Variants in ZSCAN31 observed in about 807,000 individuals in gnomAD.
The protein encoded by ZSCAN31 is zinc finger and SCAN domain containing 31, also known as zinc finger and SCAN domain-containing protein 31.
Under a neutral mutation model 22.5 loss-of-function variants are expected in ZSCAN31, and 14 were observed. That is an observed-to-expected ratio of 0.62 (90% CI 0.41 to 0.97). The LOEUF (loss-of-function observed/expected upper bound fraction) is 0.97. ZSCAN31 is among the 50% of genes least tolerant of loss of function. The pLI is 0.00. For synonymous variants in ZSCAN31, 168 were observed against 169.8 expected (o/e 0.99, Z 0.08); for missense variants, 424 against 483.4 (o/e 0.88, Z 1.15).
intron 3 of ZSCAN31, among the ~76,000 whole-genome samples, chr6:28,341,298 C>T (rs558233491): frequency 3.9e-5 from 6 of 152,264 alleles, no homozygotes; most frequent in East Asian, 3.9e-4. Context: ...AATAGAAATT[C>T]GTTGCTCACA....
chr6:28,336,327 G>A (rs545829689), upstream of ZSCAN31: 1 of 152,242 alleles, frequency 6.6e-6, no homozygotes, highest in Non-Finnish European at 1.5e-5. Flanking sequence ...ATTTCTATGG[G>A]GAGCGGCCCC....
intron 2 of ZSCAN31, among the ~76,000 whole-genome samples, chr6:28,344,196 A>G (rs76429896): frequency 0.025 from 3,733 of 152,320 alleles, 87 homozygotes; most frequent in East Asian, 0.11. Context: ...GTGGAAAGGT[A>G]GGGCTGTCAC....
chr6:28,328,586 C>T (rs371803746), intron 2 of ZSCAN31, among the ~76,000 whole-genome samples: 3 of 152,100 alleles, frequency 2.0e-5, no homozygotes, highest in East Asian at 1.9e-4. Flanking sequence ...TCAAGGTGCC[C>T]ACATTTCATA....
rs1266301948 is a variant in ZSCAN31, at chr6:28,351,596, T to C, written c.-371+2266A>G. ...TTGGTCATTTTCTTTCATTCTTCTT[T>C]TCCCTCCTTTCCACTCTCTTTCCTT... On this transcript the variant is annotated intron_variant, in intron 2 of 7. Coordinates refer to the ZSCAN31 transcript ENST00000396838. This position sits in a 1 kb window ranked among gnomAD's most constrained non-coding sequence, Gnocchi z 4.6. 6.6e-6 allele frequency among the ~76,000 whole-genome samples: 1 copy of C among 152,034 alleles called. No homozygotes were observed. Among genetic ancestry groups the C allele is most frequent in the Non-Finnish European group, 1.5e-5 (1 of 67,996 alleles).
rs984173315 is a variant in ZSCAN31 at position 28,351,005 on chromosome 6, G to A, written c.-371+2857C>T. ...TAGTGCTGGAGATCCACCAGTTTTCGAGCTTCCAGGAACGCCCTAGCCTGA... is the reference window on the plus strand; with the variant it reads ...TAGTGCTGGAGATCCACCAGTTTTCAAGCTTCCAGGAACGCCCTAGCCTGA... On this transcript the variant is annotated intron_variant, in intron 2 of 7. Coordinates refer to the ZSCAN31 transcript ENST00000396838. The surrounding 1 kb of genome is among the most constrained non-coding windows in gnomAD (Gnocchi z 4.6). Among the ~76,000 whole-genome samples the A allele has an allele frequency of 2.0e-5, 3 of 152,230 alleles. No homozygotes were observed. Among genetic ancestry groups the A allele is most frequent in the South Asian group, 2.1e-4 (1 of 4,822 alleles).
At chr6:28,344,116 T>G (rs1764540700) in intron 2 of ZSCAN31, among the ~76,000 whole-genome samples, 1 of 152,158 alleles carries the variant, frequency 6.6e-6, no homozygotes, top group South Asian at 2.1e-4. Context: ...GAGCAAAATG[T>G]GATATGTTGG....
chr6:28,326,550 C>A lies in ZSCAN31; in HGVS notation c.837G>T (p.Arg279Ser). The A allele has an allele frequency of 1.9e-6, 3 of 1,614,156 alleles. No homozygotes were observed. The highest frequency in any genetic ancestry group is 2.5e-6 in the Non-Finnish European group (3 of 1,180,018). Residue 279 changes from arginine to serine, a missense_variant, in exon 4 of 4, where the codon AGG becomes AGT. Arg to Ser is a moderately radical substitution (Grantham distance 110). Transcript: ENST00000344279. Reference protein sequence around the residue: ...CEECGKAFSRRSSLNEHRRSH... With the variant: ...CEECGKAFSRSSSLNEHRRSH... ...TCCGCCGATGTTCATTCAGGCTTGACCTCCGGCTGAAGGCCTTCCCACATT... is the reference window on the plus strand; with the variant it reads ...TCCGCCGATGTTCATTCAGGCTTGAACTCCGGCTGAAGGCCTTCCCACATT...
chr6:28,348,161 C>T (rs749638571), intron 2 of ZSCAN31, among the ~76,000 whole-genome samples: 4 of 152,050 alleles, frequency 2.6e-5, no homozygotes. Context: ...TTCTCCCAAC[C>T]TTTTAATTTA....
chr6:28,327,585 G>T, intron 2 of ZSCAN31, 52 bp from the exon 3 acceptor site: 1 of 1,556,518 alleles, frequency 6.4e-7, no homozygotes, highest in Non-Finnish European at 8.7e-7. Flanking sequence ...AGGAGTACAA[G>T]CTAATACTAA....
At chr6:28,346,694 A>G (rs1561924508) in intron 2 of ZSCAN31, among the ~76,000 whole-genome samples, 1 of 152,132 alleles carries the variant, frequency 6.6e-6, no homozygotes, top group Non-Finnish European at 1.5e-5. Flanking sequence ...GGACAAGTGC[A>G]GCAGCCACAA....
At chr6:28,354,056 A>G (rs897609713) in intron 1 of ZSCAN31, 1 of 421,316 alleles carries the variant, frequency 2.4e-6, no homozygotes, top group Admixed American at 2.5e-5. Context: ...CCTTCTCAGC[A>G]AACGGCTCTG....
At chr6:28,329,088 C>T (rs369661076) in intron 2 of ZSCAN31, among the ~76,000 whole-genome samples, 3 of 152,160 alleles carry the variant, frequency 2.0e-5, no homozygotes, top group East Asian at 1.9e-4. Flanking sequence ...GCTGAGGCCC[C>T]CTACCAACAA....
intron 2 of ZSCAN31, among the ~76,000 whole-genome samples, chr6:28,352,255 T>C (rs956702911): frequency 6.6e-6 from 1 of 152,226 alleles, no homozygotes; most frequent in Non-Finnish European, 1.5e-5. Context: ...CAGAATGACC[T>C]AGAAAGTTTT....
In ZSCAN31 at chr6:28,333,243, A is replaced by G. The variant is rs138482832; in HGVS notation, c.-96+2839T>C. Among the ~76,000 whole-genome samples, 1 of 152,328 alleles carries G rather than the reference A, an allele frequency of 6.6e-6. No individual in the cohort carries two copies. Among genetic ancestry groups the G allele is most frequent in the Non-Finnish European group, 1.5e-5 (1 of 68,024 alleles). ...GACTCAGCTTATGACTTTATCAGCAACTAAGGCCCAGGAGGCAAGGGACAA... is the reference window on the plus strand; with the variant it reads ...GACTCAGCTTATGACTTTATCAGCAGCTAAGGCCCAGGAGGCAAGGGACAA... On this transcript the variant is annotated intron_variant, in intron 1 of 3. Coordinates refer to ENST00000344279, the MANE Select transcript of ZSCAN31 (RefSeq NM_030899.5). The surrounding 1 kb of genome is among the most constrained non-coding windows in gnomAD (Gnocchi z 4.1).
intron 2 of ZSCAN31, among the ~76,000 whole-genome samples, chr6:28,348,459 A>C (rs913436494): frequency 1.3e-5 from 2 of 152,148 alleles, no homozygotes; most frequent in African/African-American, 4.8e-5. Context: ...TTCCATTTAG[A>C]TATCCAAATA....
intron 2 of ZSCAN31, among the ~76,000 whole-genome samples, chr6:28,348,930 A>G (rs1018441483): frequency 1.3e-5 from 2 of 151,630 alleles, no homozygotes; most frequent in Admixed American, 6.6e-5. Context: ...TGTCTTATAC[A>G]TAGGTGTATA....
At position 28,327,364 on chromosome 6, in the gene ZSCAN31, G is replaced by C; in HGVS notation, c.532+19C>G. 1 of 1,613,702 alleles carries C rather than the reference G, an allele frequency of 6.2e-7. No homozygotes were observed. On this transcript the variant is annotated intron_variant, in intron 3 of 3. Transcript: ENST00000344279. ...AGACCCACCAGAGATCTCCTGAAGG[G>C]ACCTGTCAAAATCCTTACCTTGTTC...
chr6:28,329,792 A>G lies in ZSCAN31; in HGVS notation c.-95-14T>C. ...AGGAGAAGACACCTGATGATAGAGC[A>G]TTATATATTAATGGAAATAAATCAT... On this transcript the variant is annotated splice_polypyrimidine_tract_variant and intron_variant, in intron 1 of 3. Transcript: ENST00000344279. 7.6e-7 allele frequency: 1 copy of G among 1,323,362 alleles called. No individual in the cohort carries two copies. The highest frequency in any genetic ancestry group is 1.0e-6 in the Non-Finnish European group (1 of 974,724). The allele number at this position is 1,323,362 out of a possible 1,614,324, so 82.0% of individuals were successfully genotyped here. A position where few individuals can be genotyped will look rare whatever the true frequency, so the allele number is the denominator to read the frequency against.
At chr6:28,335,606 G>A (rs1393445863) in intron 1 of ZSCAN31, among the ~76,000 whole-genome samples, 2 of 152,124 alleles carry the variant, frequency 1.3e-5, no homozygotes, top group Admixed American at 6.5e-5. Context: ...CCTGGGCCAA[G>A]CTAAGCAGCA....
Sources: gnomAD v4.1 joint callset for allele counts (sites outside exome capture counted in the v4.1 genomes callset) on GRCh38, gnomAD v4.1.1 for gene constraint, Gnocchi (gnomAD v3.1) non-coding constraint, MANE v1.5 for transcripts, NCBI Gene and HGNC (gene_info 2026-07-23, HGNC 2026-07-21) for gene names.